The following DOCK3 variants were observed in gnomAD, a reference collection of about 807,000 sequenced individuals.
The protein encoded by DOCK3 is dedicator of cytokinesis protein 3.
A neutral mutation model predicts 265.6 loss-of-function variants in DOCK3; 60 were observed. The observed-to-expected ratio is 0.23, with a 90% CI of 0.18 to 0.28. The LOEUF (loss-of-function observed/expected upper bound fraction) is 0.28. Among genes scored for constraint, DOCK3 ranks in the 10% least tolerant of loss-of-function variants. The pLI is 1.00. For synonymous variants in DOCK3, 881 were observed against 938.0 expected (o/e 0.94, Z 1.11); for missense variants, 1,981 against 2,594.3 (o/e 0.76, Z 5.14).
chr3:50,824,238 C>G (rs1288643257), intron 2 of DOCK3, among the ~76,000 whole-genome samples: 1 of 152,122 alleles, frequency 6.6e-6, no homozygotes, highest in Admixed American at 6.5e-5. Flanking sequence ...AAGACATGAG[C>G]AATAGAGGTA....
chr3:50,946,404 A>G (rs2076429134), intron 5 of DOCK3, among the ~76,000 whole-genome samples: 1 of 152,204 alleles, frequency 6.6e-6, no homozygotes, highest in African/African-American at 2.4e-5. Context: ...TCTCAATGTA[A>G]TTAAAATTAG....
intron 38 of DOCK3, among the ~76,000 whole-genome samples, chr3:51,342,489 G>A (rs1044955787): frequency 1.3e-5 from 2 of 152,182 alleles, no homozygotes; most frequent in Non-Finnish European, 2.9e-5. Context: ...CTATTTTCCT[G>A]GCACCTGGCT....
At chr3:50,947,590 G>A (rs2076461025) in intron 5 of DOCK3, among the ~76,000 whole-genome samples, 1 of 152,038 alleles carries the variant, frequency 6.6e-6, no homozygotes, top group South Asian at 2.1e-4. Context: ...CTAGGCTCCT[G>A]AACTACTCCC....
chr3:51,243,731 AT>A (rs1462424340), intron 21 of DOCK3, among the ~76,000 whole-genome samples: 4 of 152,034 alleles, frequency 2.6e-5, no homozygotes, highest in Admixed American at 2.6e-4. Flanking sequence ...AGTCCACCTT[AT>A]TTTTTGTTGT....
intron 27 of DOCK3, among the ~76,000 whole-genome samples, chr3:51,303,201 C>T (rs991670489): frequency 7.9e-5 from 12 of 151,548 alleles, no homozygotes; most frequent in African/African-American, 7.3e-5. Context: ...TTGGTCTGTT[C>T]GGTTATTGAT....
chr3:50,778,735 T>G lies in DOCK3; in HGVS notation c.98T>G (p.Val33Gly). Reference sequence around the variant, plus strand: ...TTGGTCTTAGAAATAGGAGAAACAGTCCAGATTCTTGAAAAATGTGAAGGT... The same window carrying G: ...TTGGTCTTAGAAATAGGAGAAACAGGCCAGATTCTTGAAAAATGTGAAGGT... ...QGLVLEIGETVQILEKCEGWY... is the reference protein window; with the variant it reads ...QGLVLEIGETGQILEKCEGWY... Residue 33 changes from valine to glycine, a missense_variant, in exon 2 of 53, where the codon GTC (valine) becomes GGC (glycine). Coordinates refer to ENST00000266037, the MANE Select transcript of DOCK3 (RefSeq NM_004947.5). 1 of 1,584,024 alleles carries G rather than the reference T, an allele frequency of 6.3e-7. No individual in the cohort carries two copies. The highest frequency in any genetic ancestry group is 8.6e-7 in the Non-Finnish European group (1 of 1,163,816).
chr3:51,248,792 G>A (rs1489085945), intron 22 of DOCK3, among the ~76,000 whole-genome samples: 1 of 148,638 alleles, frequency 6.7e-6, no homozygotes, highest in Non-Finnish European at 1.5e-5. Context: ...AGTGAGGAGC[G>A]TCTTTGCCCG....
chr3:51,007,880 C>A (rs2078751671), intron 5 of DOCK3, among the ~76,000 whole-genome samples: 1 of 152,298 alleles, frequency 6.6e-6, no homozygotes, highest in South Asian at 2.1e-4. Flanking sequence ...CATAGAGAAT[C>A]CTTTCCCCGT....
chr3:51,249,089 C>A (rs557728509), intron 22 of DOCK3, among the ~76,000 whole-genome samples: 2 of 151,076 alleles, frequency 1.3e-5, no homozygotes, highest in Admixed American at 6.6e-5. Flanking sequence ...CCACCCCGTC[C>A]GGGAGGGAGG....
chr3:50,802,136 T>G (rs2043105004), intron 2 of DOCK3, among the ~76,000 whole-genome samples: 1 of 152,200 alleles, frequency 6.6e-6, no homozygotes, highest in Non-Finnish European at 1.5e-5. Flanking sequence ...TCTTTCTTTT[T>G]TATCCATTCA....
chr3:50,957,992 C>G (rs2076774767), intron 5 of DOCK3, among the ~76,000 whole-genome samples: 4 of 152,028 alleles, frequency 2.6e-5, no homozygotes, highest in African/African-American at 9.6e-5. Flanking sequence ...AAGTTGGTTT[C>G]TTTCTGTAGA....
chr3:50,922,366 T>C (rs1201618521), intron 4 of DOCK3, among the ~76,000 whole-genome samples: 1 of 152,228 alleles, frequency 6.6e-6, no homozygotes, highest in African/African-American at 2.4e-5. Flanking sequence ...AGGCATGGGA[T>C]ATAATCTCCT....
chr3:50,901,662 C>T (rs2049203958), intron 4 of DOCK3: 1 of 454,030 alleles, frequency 2.2e-6, no homozygotes, highest in Non-Finnish European at 4.4e-6. Context: ...AGCATAGTAA[C>T]TGGGCTGGAG....
intron 9 of DOCK3, among the ~76,000 whole-genome samples, chr3:51,135,613 T>C (rs959763058): frequency 1.3e-5 from 2 of 152,240 alleles, no homozygotes; most frequent in Non-Finnish European, 2.9e-5. Context: ...AGCTGCCAGG[T>C]ACTACTAATG....
intron 5 of DOCK3, among the ~76,000 whole-genome samples, chr3:50,994,203 G>A (rs2078203295): frequency 1.3e-5 from 2 of 152,126 alleles, no homozygotes; most frequent in African/African-American, 4.8e-5. Flanking sequence ...GTGAGAGTCA[G>A]CAACTTACTG....
chr3:51,291,245 TA>T (rs2081753245), intron 27 of DOCK3, among the ~76,000 whole-genome samples: 1 of 151,020 alleles, frequency 6.6e-6, no homozygotes, highest in Non-Finnish European at 1.5e-5. Flanking sequence ...AAGGAACTAG[TA>T]AAATAAGAAA....
At chr3:51,122,103 G>T (rs1038079694) in intron 9 of DOCK3, among the ~76,000 whole-genome samples, 2 of 152,168 alleles carry the variant, frequency 1.3e-5, no homozygotes, top group African/African-American at 4.8e-5. Flanking sequence ...TATTCTTGAT[G>T]GCCAGAATGT....
rs375475833 is a variant in DOCK3, at chr3:51,357,052, C to A, written c.4594C>A (p.Gln1532Lys). Reference protein sequence around the residue: ...RSLISQYQHKQVHGNINLLSM... With the variant: ...RSLISQYQHKKVHGNINLLSM... ...CCTGATCAGCCAGTATCAACACAAG[C>A]AGGTGCATGGCAACATTAACCTGCT... is the stretch of plus-strand genomic sequence containing the variant. The change falls in exon 44 of 53, where the codon CAG (glutamine) becomes AAG (lysine). Residue 1532 changes from glutamine (Q) to lysine (K), a missense_variant. Coordinates refer to ENST00000266037, the MANE Select transcript of DOCK3 (RefSeq NM_004947.5). 1.1e-5 allele frequency: 18 copies of A among 1,613,246 alleles called. No individual in the cohort carries two copies. The highest frequency in any genetic ancestry group is 1.5e-5 in the Non-Finnish European group (18 of 1,179,908).
chr3:51,314,828 T>A (rs978622517), intron 31 of DOCK3, among the ~76,000 whole-genome samples, 152 bp from the exon 32 acceptor site: 1 of 152,230 alleles, frequency 6.6e-6, no homozygotes, highest in African/African-American at 2.4e-5. Flanking sequence ...TCTAAAAAGT[T>A]GAGGGAGAGT....
Sources: gnomAD v4.1 joint callset for allele counts (sites outside exome capture counted in the v4.1 genomes callset) on GRCh38, gnomAD v4.1.1 for gene constraint, MANE v1.5 for transcripts, NCBI Gene and HGNC (gene_info 2026-07-23, HGNC 2026-07-21) for gene names.